The following ME1 variants were observed in gnomAD, a reference collection of about 807,000 sequenced individuals.
ME1 encodes malic enzyme 1.
A neutral mutation model predicts 66.4 loss-of-function variants in ME1; 74 were observed. That is an observed-to-expected ratio of 1.11 (90% CI 0.92 to 1.35). The LOEUF (loss-of-function observed/expected upper bound fraction) is 1.35. Among genes scored for constraint, ME1 ranks in the 40% most tolerant of loss-of-function variants. ME1 has a pLI of 0.00. For synonymous variants in ME1, 251 were observed against 235.6 expected (o/e 1.07, Z -0.60); for missense variants, 750 against 694.1 (o/e 1.08, Z -0.90).
chr6:83,223,735 G>A, intron 12 of ME1, 25 bp downstream of exon 12: 1 of 1,607,424 alleles, frequency 6.2e-7, no homozygotes, highest in Non-Finnish European at 8.5e-7. Context: ...TAAACCCTTG[G>A]TAAACTTAGA....
chr6:83,353,490 G>C (rs1583396858), intron 3 of ME1, among the ~76,000 whole-genome samples: 1 of 152,140 alleles, frequency 6.6e-6, no homozygotes, highest in Middle Eastern at 3.4e-3. Flanking sequence ...CTCTTTATCA[G>C]TTTTTAAATT....
rs890720945 is a variant in ME1, at chr6:83,378,966, T to G, written c.362+19401A>C. 4.6e-5 allele frequency among the ~76,000 whole-genome samples: 7 copies of G among 152,120 alleles called. No homozygotes were observed. The East Asian group carries it at 1.3e-3, about 29-fold the overall frequency. On this transcript the variant is annotated intron_variant, in intron 3 of 13. Coordinates refer to ENST00000369705, the MANE Select transcript of ME1 (RefSeq NM_002395.6). ...CAAATAAAAGCAAGAAGAAAACAGT[T>G]CAATATATTCTTTGGCATTGCTCAT...
At chr6:83,227,101 T>G (rs901953591) in intron 11 of ME1, among the ~76,000 whole-genome samples, 5 of 152,200 alleles carry the variant, frequency 3.3e-5, no homozygotes, top group African/African-American at 1.2e-4. Flanking sequence ...TCCAAATCAC[T>G]TGTGGAAAAT....
At chr6:83,413,972 A>G (rs1770102766) in intron 1 of ME1, among the ~76,000 whole-genome samples, 1 of 151,992 alleles carries the variant, frequency 6.6e-6, no homozygotes, top group South Asian at 2.1e-4. Context: ...TTAGCCAGGT[A>G]TGGTGGTGCA....
At chr6:83,359,641 G>A (rs1394125011) in intron 3 of ME1, among the ~76,000 whole-genome samples, 1 of 152,172 alleles carries the variant, frequency 6.6e-6, no homozygotes, top group Non-Finnish European at 1.5e-5. Flanking sequence ...GTTTAATGTA[G>A]AGGAAGGGAT....
intron 5 of ME1, among the ~76,000 whole-genome samples, chr6:83,343,526 C>T (rs1768629485): frequency 6.6e-6 from 1 of 152,144 alleles, no homozygotes; most frequent in African/African-American, 2.4e-5. Context: ...AAATAATACA[C>T]AGCATTTTAA....
chr6:83,314,807 G>C (rs1308224039), intron 6 of ME1, among the ~76,000 whole-genome samples: 1 of 152,094 alleles, frequency 6.6e-6, no homozygotes, highest in Non-Finnish European at 1.5e-5. Flanking sequence ...GATCATGATG[G>C]AATGCCCTGT....
At chr6:83,373,542 T>C (rs558632791) in intron 3 of ME1, among the ~76,000 whole-genome samples, 1 of 152,316 alleles carries the variant, frequency 6.6e-6, no homozygotes, top group Admixed American at 6.5e-5. Context: ...TTATCTTTCA[T>C]TAAATACATA....
chr6:83,344,938 TTATCACA>T (rs1768660312), intron 5 of ME1, among the ~76,000 whole-genome samples: 1 of 151,664 alleles, frequency 6.6e-6, no homozygotes, highest in African/African-American at 2.4e-5. Context: ...TCAATGCAAC[TTATCACA>T]TAACAATTTT....
At chr6:83,234,810 T>C (rs1183415111) in intron 9 of ME1, among the ~76,000 whole-genome samples, 1 of 152,170 alleles carries the variant, frequency 6.6e-6, no homozygotes, top group East Asian at 1.9e-4. Context: ...CGGAAAGCCC[T>C]TCATCTCTTA....
At chr6:83,312,741 A>C (rs1019500344) in intron 6 of ME1, among the ~76,000 whole-genome samples, 63 of 151,898 alleles carry the variant, frequency 4.1e-4, no homozygotes, top group African/African-American at 1.5e-3. Context: ...GGTTTATCCC[A>C]ATGGGTACTC....
chr6:83,369,335 A>G (rs1021136127), intron 3 of ME1, among the ~76,000 whole-genome samples: 1 of 152,166 alleles, frequency 6.6e-6, no homozygotes, highest in Non-Finnish European at 1.5e-5. Context: ...TATTTGTTCC[A>G]TAATTTTTAA....
At chr6:83,425,748 T>C (rs773912585) in intron 1 of ME1, among the ~76,000 whole-genome samples, 1 of 152,216 alleles carries the variant, frequency 6.6e-6, no homozygotes, top group African/African-American at 2.4e-5. Flanking sequence ...TACTCAACCA[T>C]TACCTGATTA....
Position 83,320,505 on chromosome 6 carries a change from C to A in ME1, c.601-5092G>T, listed in dbSNP as rs189122320. On this transcript the variant is annotated intron_variant, in intron 5 of 13. Coordinates refer to ENST00000369705, the MANE Select transcript of ME1 (RefSeq NM_002395.6). ...TCAGATGAAATGTAAAATCTGAAAT[C>A]AAGTGCCGCTGTAAACTGCAGCTGT... Among the ~76,000 whole-genome samples the A allele has an allele frequency of 1.9e-3, 292 of 152,312 alleles. 2 individuals carry two copies. The highest frequency in any genetic ancestry group is 2.0e-3 in the Non-Finnish European group (138 of 68,030).
At chr6:83,368,806 T>C (rs1218219883) in intron 3 of ME1, among the ~76,000 whole-genome samples, 3 of 152,108 alleles carry the variant, frequency 2.0e-5, no homozygotes, top group Non-Finnish European at 4.4e-5. Context: ...CCAGACTCAG[T>C]AATTTAGAGA....
intron 1 of ME1, among the ~76,000 whole-genome samples, chr6:83,422,682 AC>A (rs1421091954): frequency 5.9e-5 from 9 of 152,206 alleles, no homozygotes; most frequent in Non-Finnish European, 1.3e-4. Flanking sequence ...ACTTAAAAAT[AC>A]AATAATTATA....
At position 83,211,650 on chromosome 6, in the gene ME1, G is replaced by T; in HGVS notation, c.*274C>A. 4.6e-6 allele frequency: 1 copy of T among 219,050 alleles called. No individual in the cohort carries two copies. Among genetic ancestry groups the T allele is most frequent in the Non-Finnish European group, 8.9e-6 (1 of 112,838 alleles). The allele number at this position is 219,050 out of a possible 1,614,324, so 13.6% of individuals were successfully genotyped here. ...CATTAGTGTCCTGTATAAAAATGAT[G>T]AGTTTCTCCGTAGTACGTACAACAG... is the stretch of plus-strand genomic sequence containing the variant. On this transcript the variant is annotated 3_prime_UTR_variant, in exon 14 of 14. Coordinates refer to ENST00000369705, the MANE Select transcript of ME1 (RefSeq NM_002395.6).
At chr6:83,263,952 G>A (rs1023401172) in intron 6 of ME1, among the ~76,000 whole-genome samples, 2 of 152,134 alleles carry the variant, frequency 1.3e-5, no homozygotes, top group Non-Finnish European at 2.9e-5. Flanking sequence ...GATTTAAAAT[G>A]GAGACAAAAT....
At chr6:83,239,111 A>C (rs1790464027) in intron 8 of ME1, among the ~76,000 whole-genome samples, 1 of 151,986 alleles carries the variant, frequency 6.6e-6, no homozygotes, top group Non-Finnish European at 1.5e-5. Flanking sequence ...TTTTCTTAAA[A>C]ACACATATGT....
Sources: gnomAD v4.1 joint callset for allele counts (sites outside exome capture counted in the v4.1 genomes callset) on GRCh38, gnomAD v4.1.1 for gene constraint, MANE v1.5 for transcripts, NCBI Gene and HGNC (gene_info 2026-07-23, HGNC 2026-07-21) for gene names.